PLXNA2: variants seen among roughly 807,000 people sequenced by gnomAD.
PLXNA2 encodes the protein plexin-A2.
PLXNA2 carries 91 observed loss-of-function variants against 193.5 expected under a neutral mutation model. The ratio of observed to expected loss-of-function variants is 0.47; its 90% CI spans 0.40 to 0.56. The LOEUF (loss-of-function observed/expected upper bound fraction) is 0.56, where lower values mean the gene tolerates loss of function less well. Ranked by LOEUF, PLXNA2 falls within the 20% of genes least tolerant of loss-of-function variation. The pLI is 0.00. For synonymous variants in PLXNA2, 997 were observed against 1,027.3 expected (o/e 0.97, Z 0.56); for missense variants, 1,995 against 2,503.2 (o/e 0.80, Z 4.33).
At position 208,210,336 on chromosome 1, in the gene PLXNA2, C is replaced by A; in HGVS notation, c.1315G>T (p.Val439Phe). ...RDRMTSVASY[V>F]YNGYSVVFVG... The stretch of plus-strand genomic sequence containing the variant: ...AAAACCACGCTGTAGCCGTTGTAAA[C>A]GTAGGAGGCCACAGAGGTCATGCGG... The change falls in exon 3 of 32, where the codon GTT becomes TTT. Residue 439 changes from valine to phenylalanine, a missense_variant. Val to Phe is a conservative substitution (Grantham distance 50). Coordinates refer to ENST00000367033, the MANE Select transcript of PLXNA2 (RefSeq NM_025179.4). The A allele has an allele frequency of 1.2e-6, 2 of 1,613,968 alleles. No homozygotes were observed. The highest frequency in any genetic ancestry group is 1.7e-6 in the Non-Finnish European group (2 of 1,179,994).
intron 29 of PLXNA2, chr1:208,029,969 C>G: frequency 9.1e-6 from 9 of 985,496 alleles, no homozygotes; most frequent in Non-Finnish European, 1.1e-5. Context: ...ATGATGTTCC[C>G]AGCTCCCCAG....
intron 13 of PLXNA2, 36 bp downstream of exon 13, chr1:208,060,650 C>T: frequency 1.3e-6 from 2 of 1,581,808 alleles, no homozygotes; most frequent in Non-Finnish European, 1.7e-6. Flanking sequence ...CACTCTGAAG[C>T]TCCCATGGGA....
intron 3 of PLXNA2, among the ~76,000 whole-genome samples, chr1:208,156,939 T>A (rs1470216558): frequency 1.3e-5 from 2 of 152,202 alleles, no homozygotes; most frequent in African/African-American, 4.8e-5. Context: ...TGTTACTCCA[T>A]AAGAATAACA....
intron 2 of PLXNA2, among the ~76,000 whole-genome samples, chr1:208,213,230 A>G (rs1470454306): frequency 1.3e-5 from 2 of 152,066 alleles, no homozygotes; most frequent in African/African-American, 4.8e-5. Flanking sequence ...TTCCTCCTCA[A>G]GTTGTTTTTC....
At chr1:208,034,399 G>C (rs1664605844) in intron 27 of PLXNA2, 94 bp downstream of exon 27, 1 of 793,484 alleles carries the variant, frequency 1.3e-6, no homozygotes, top group Non-Finnish European at 2.2e-6. Context: ...GCAGCAGCAA[G>C]GGCTGCCTGC....
intron 2 of PLXNA2, among the ~76,000 whole-genome samples, chr1:208,211,505 A>G (rs1386992657): frequency 6.6e-6 from 1 of 152,164 alleles, no homozygotes; most frequent in Non-Finnish European, 1.5e-5. Flanking sequence ...CATTCTGGCC[A>G]ACATAGTGAA....
intron 2 of PLXNA2, among the ~76,000 whole-genome samples, chr1:208,213,951 TC>T (rs1185826845): frequency 6.6e-6 from 1 of 152,190 alleles, no homozygotes; most frequent in African/African-American, 2.4e-5. Context: ...AGTGTCATCT[TC>T]CTCTTTCCTC....
intron 21 of PLXNA2, 67 bp downstream of exon 21, chr1:208,042,994 T>TA: frequency 6.4e-7 from 1 of 1,553,906 alleles, no homozygotes; most frequent in Non-Finnish European, 8.8e-7. Context: ...GAGTCTCATC[T>TA]GGATTTCCTA....
chr1:208,074,586 G>A (rs1666085595), intron 12 of PLXNA2, among the ~76,000 whole-genome samples: 2 of 152,206 alleles, frequency 1.3e-5, no homozygotes, highest in Admixed American at 6.5e-5. Context: ...GGTTGCCATG[G>A]AGAAGATGGG....
At chr1:208,067,684 C>T (rs1665843119) in intron 12 of PLXNA2, among the ~76,000 whole-genome samples, 2 of 152,288 alleles carry the variant, frequency 1.3e-5, no homozygotes, top group Middle Eastern at 6.8e-3. Context: ...ACATGCAGTA[C>T]AGGTTTGCAG....
intron 3 of PLXNA2, among the ~76,000 whole-genome samples, chr1:208,176,156 T>C (rs560595226): frequency 2.0e-5 from 3 of 152,330 alleles, no homozygotes; most frequent in Admixed American, 2.0e-4. Flanking sequence ...CCCAGGATGG[T>C]GCTTCTAGCA....
chr1:208,210,497 A>G (rs1347784738), intron 2 of PLXNA2, 35 bp from the exon 3 acceptor site: 1 of 1,572,564 alleles, frequency 6.4e-7, no homozygotes, highest in Non-Finnish European at 8.7e-7. Context: ...GGTGAGTAAC[A>G]GTGGAGGCAT....
In PLXNA2 at chr1:208,039,688, G is replaced by A. The variant is rs375437589; in HGVS notation, c.4433C>T (p.Thr1478Met). Residue 1478 changes from threonine (T) to methionine (M), a missense_variant, in exon 24 of 32, where the codon ACG (threonine) becomes ATG (methionine). Thr to Met is a moderately conservative substitution (Grantham distance 81). This residue lies in a region of PLXNA2 where 1,291 missense variants were observed against 1,673.6 expected (regional missense o/e 0.77). Transcript: ENST00000367033. Reference sequence around the variant, plus strand: ...GCTCAGGGAGTAGCGGGCCTCGCCCGTGATGGCATCAATGGGGCCCTTCTC... The same window carrying A: ...GCTCAGGGAGTAGCGGGCCTCGCCCATGATGGCATCAATGGGGCCCTTCTC... The part of the protein sequence containing the change: ...QMEKGPIDAI[T>M]GEARYSLSED... 2.9e-5 allele frequency: 47 copies of A among 1,614,108 alleles called. No individual in the cohort carries two copies. Among genetic ancestry groups the A allele is most frequent in the Non-Finnish European group, 3.6e-5 (42 of 1,180,060 alleles).
At chr1:208,027,889 C>T (rs1050082498) in intron 31 of PLXNA2, 120 bp downstream of exon 31, 13 of 865,912 alleles carry the variant, frequency 1.5e-5, no homozygotes, top group African/African-American at 3.4e-5. Flanking sequence ...TGATAATTTT[C>T]GAGCTCATGG....
intron 11 of PLXNA2, among the ~76,000 whole-genome samples, chr1:208,081,899 G>A (rs1666355045): frequency 6.6e-6 from 1 of 152,090 alleles, no homozygotes. Context: ...CACCCTCATG[G>A]AGCACCCCTC....
At chr1:208,129,621 T>A (rs1668086592) in intron 4 of PLXNA2, among the ~76,000 whole-genome samples, 1 of 152,218 alleles carries the variant, frequency 6.6e-6, no homozygotes, top group Non-Finnish European at 1.5e-5. Context: ...TTTGCTTTTT[T>A]ATTCCACTGG....
At chr1:208,203,137 T>G (rs1196054919) in intron 3 of PLXNA2, among the ~76,000 whole-genome samples, 1 of 152,170 alleles carries the variant, frequency 6.6e-6, no homozygotes, top group Non-Finnish European at 1.5e-5. Flanking sequence ...GCCCCTTTCT[T>G]GTGCCAACCA....
intron 12 of PLXNA2, among the ~76,000 whole-genome samples, chr1:208,063,739 C>G (rs542932841): frequency 2.6e-4 from 39 of 152,292 alleles, no homozygotes; most frequent in African/African-American, 8.4e-4. Flanking sequence ...ACAGGAGACA[C>G]AGCTTATAGC....
chr1:208,112,613 T>C (rs973610362), intron 4 of PLXNA2, among the ~76,000 whole-genome samples: 2 of 152,220 alleles, frequency 1.3e-5, no homozygotes, highest in Non-Finnish European at 1.5e-5. Flanking sequence ...GGCCCTGGCT[T>C]TGCTCTTCTA....
Sources: gnomAD v4.1 joint callset for allele counts (sites outside exome capture counted in the v4.1 genomes callset) on GRCh38, gnomAD v4.1.1 for gene constraint, gnomAD v4.1.1 regional missense constraint, MANE v1.5 for transcripts, NCBI Gene and HGNC (gene_info 2026-07-23, HGNC 2026-07-21) for gene names.